TENM2: variants seen among roughly 807,000 people sequenced by gnomAD.
The protein encoded by TENM2 is teneurin-2.
Under a neutral mutation model 245.2 loss-of-function variants are expected in TENM2, and 52 were observed. The ratio of observed to expected loss-of-function variants is 0.21; its 90% confidence interval spans 0.17 to 0.27. The LOEUF (loss-of-function observed/expected upper bound fraction) is 0.27. Among genes scored for constraint, TENM2 ranks in the 10% least tolerant of loss-of-function variants. The pLI, the probability that TENM2 is intolerant of heterozygous loss-of-function variation, is 1.00. For missense variants in TENM2, 3,046 were observed against 3,666.8 expected (o/e 0.83, Z 4.37); for synonymous variants, 1,363 against 1,438.9 (o/e 0.95, Z 1.19).
intron 27 of TENM2, among the ~76,000 whole-genome samples, chr5:168,251,111 G>A (rs1480320154): frequency 6.6e-6 from 1 of 152,140 alleles, no homozygotes; most frequent in African/African-American, 2.4e-5. Context: ...GCCCCACACA[G>A]AATGTCCCTT....
chr5:167,542,923 C>T (rs1352294378), intron 2 of TENM2, among the ~76,000 whole-genome samples: 1 of 152,170 alleles, frequency 6.6e-6, no homozygotes, highest in Non-Finnish European at 1.5e-5. Flanking sequence ...CTGCTGGACT[C>T]CCCTGGGATA....
chr5:167,194,146 G>C, the TENM2 span, among the ~76,000 whole-genome samples: 30 of 152,048 alleles, frequency 2.0e-4, no homozygotes, highest in African/African-American at 7.0e-4. Flanking sequence ...GGCCATAACA[G>C]CCGCCTACAC....
intron 3 of TENM2, among the ~76,000 whole-genome samples, chr5:167,908,596 CCT>C (rs1430233353): frequency 1.3e-5 from 1 of 78,966 alleles, no homozygotes; most frequent in African/African-American, 5.2e-5. Flanking sequence ...CTTCCCCTCC[CCT>C]CTCTTTTCCT....
intron 25 of TENM2, among the ~76,000 whole-genome samples, chr5:168,237,788 C>T (rs1765639362): frequency 2.0e-5 from 3 of 151,124 alleles, no homozygotes; most frequent in Admixed American, 2.0e-4. Context: ...GTTTTGTCTC[C>T]ACAAGCACTG....
At chr5:167,941,676 A>G (rs1163304223) in intron 3 of TENM2, among the ~76,000 whole-genome samples, 1 of 138,256 alleles carries the variant, frequency 7.2e-6, no homozygotes, top group Non-Finnish European at 1.5e-5. Context: ...GCAAAATCCC[A>G]TCTCTACCAA....
chr5:168,232,150 AG>A (rs1374768340), intron 25 of TENM2, among the ~76,000 whole-genome samples: 13 of 152,212 alleles, frequency 8.5e-5, no homozygotes, highest in African/African-American at 3.1e-4. Context: ...TGATAGGAGG[AG>A]AGGGACAGTA....
the TENM2 span, among the ~76,000 whole-genome samples, chr5:167,148,314 A>G: frequency 6.6e-6 from 1 of 152,212 alleles, no homozygotes; most frequent in Non-Finnish European, 1.5e-5. Flanking sequence ...TTGCAGGACT[A>G]TGTTCAGTCT....
chr5:167,875,541 A>G (rs1773348478), intron 2 of TENM2, among the ~76,000 whole-genome samples: 1 of 152,284 alleles, frequency 6.6e-6, no homozygotes, highest in Non-Finnish European at 1.5e-5. Flanking sequence ...GGCGAATGAT[A>G]CAATCTGATT....
intron 5 of TENM2, among the ~76,000 whole-genome samples, chr5:168,013,416 C>A (rs1166809015): frequency 6.6e-6 from 1 of 152,044 alleles, no homozygotes; most frequent in Non-Finnish European, 1.5e-5. Flanking sequence ...CCAGCCTGGC[C>A]AACATGGTGA....
chr5:167,932,113 G>C (rs572325945), intron 3 of TENM2, among the ~76,000 whole-genome samples: 4 of 152,192 alleles, frequency 2.6e-5, no homozygotes. Flanking sequence ...AGGTGCAGGA[G>C]GGGGAGAGAG....
chr5:167,754,450 A>G (rs1260999750), intron 2 of TENM2, among the ~76,000 whole-genome samples: 2 of 152,178 alleles, frequency 1.3e-5, no homozygotes, highest in African/African-American at 4.8e-5. Flanking sequence ...TCTGGATTTT[A>G]ACGCTTGTTT....
At chr5:167,021,596 A>G in the TENM2 span, among the ~76,000 whole-genome samples, 16 of 152,208 alleles carry the variant, frequency 1.1e-4, no homozygotes, top group Non-Finnish European at 2.2e-4. Context: ...CACAGATTAT[A>G]CCATATGTTG....
intron 4 of TENM2, among the ~76,000 whole-genome samples, chr5:167,981,977 A>G (rs1782869633): frequency 7.9e-6 from 1 of 126,778 alleles, no homozygotes; most frequent in Non-Finnish European, 1.7e-5. Context: ...TCTGTTTCAG[A>G]CCAAAAAAAA....
At chr5:166,991,715 T>A in the TENM2 span, among the ~76,000 whole-genome samples, 2 of 152,202 alleles carry the variant, frequency 1.3e-5, no homozygotes, top group Non-Finnish European at 2.9e-5. Context: ...TGCAATTATC[T>A]GGAATTTAAG....
rs1561923378 is a variant in TENM2, at chr5:167,398,382, CTTT to C, written c.502+22910_502+22912del. ...CTTTCTTTCCTTTCTTTCTTCCTTT[CTTT>C]CTTTCTTTCTTTCTTTCTTTCTTTC... On this transcript the variant is annotated intron_variant, in intron 2 of 28. Coordinates refer to ENST00000518659, the Ensembl canonical transcript of TENM2. Among the ~76,000 whole-genome samples the C allele has an allele frequency of 0.033, 756 of 22,958 alleles. 10 individuals are homozygous for C. The African/African-American group carries it at 0.34, about 10-fold the overall frequency. 15.1% of individuals were successfully genotyped at this position (22,958 alleles called of 152,430 possible).
intron 2 of TENM2, among the ~76,000 whole-genome samples, chr5:167,558,105 T>C (rs1227229318): frequency 6.6e-6 from 1 of 152,158 alleles, no homozygotes; most frequent in Non-Finnish European, 1.5e-5. Flanking sequence ...CACTAAGGAA[T>C]GGGTTCAAGC....
the TENM2 span, among the ~76,000 whole-genome samples, chr5:167,276,619 C>T: frequency 6.6e-6 from 1 of 151,900 alleles, no homozygotes; most frequent in Non-Finnish European, 1.5e-5. Context: ...TCCGGGATGT[C>T]GCACAGATAC....
intron 20 of TENM2, among the ~76,000 whole-genome samples, chr5:168,213,209 C>A (rs1233157329): frequency 6.6e-6 from 1 of 152,126 alleles, no homozygotes; most frequent in African/African-American, 2.4e-5. Flanking sequence ...GGAATGAAAC[C>A]AGGTAGTCTA....
chr5:167,790,806 C>T (rs930751806), intron 2 of TENM2, among the ~76,000 whole-genome samples: 2 of 152,178 alleles, frequency 1.3e-5, no homozygotes, highest in Non-Finnish European at 2.9e-5. Flanking sequence ...CCTAAGCCCC[C>T]AGGTGGCAAT....
Sources: allele counts gnomAD v4.1 joint callset (sites outside exome capture counted in the v4.1 genomes callset), GRCh38; gene constraint gnomAD v4.1.1; transcripts MANE v1.5; gene names NCBI Gene and HGNC (gene_info 2026-07-23, HGNC 2026-07-21).